Variants in NR5A2 observed in about 807,000 individuals in gnomAD.
NR5A2 encodes nuclear receptor subfamily 5 group A member 2.
NR5A2 carries 26 observed loss-of-function variants against 62.7 expected under a neutral mutation model. The observed-to-expected ratio is 0.41, with a 90% CI of 0.30 to 0.58. NR5A2 has a LOEUF of 0.58. NR5A2 is among the 20% of genes least tolerant of loss of function. The pLI is 0.22. For missense variants in NR5A2, 541 were observed against 669.1 expected, an observed-to-expected ratio of 0.81 and a Z score of 2.11; for synonymous variants, 246 against 241.7, an observed-to-expected ratio of 1.02 and a Z score of -0.16.
chr1:200,099,188 C>G (rs965061587), intron 5 of NR5A2, among the ~76,000 whole-genome samples: 4 of 152,180 alleles, frequency 2.6e-5, no homozygotes, highest in African/African-American at 9.7e-5. Context: ...CTGAACAGTC[C>G]TTAGGGACCT....
chr1:200,034,588 GAGGTTGCCCGGGGGGGTGGGTGGGGGGT>G lies in NR5A2; in HGVS notation c.65-5063_65-5036del, dbSNP rs915129426. On this transcript the variant is annotated intron_variant, in intron 1 of 7. Coordinates refer to ENST00000367362, the MANE Select transcript of NR5A2 (RefSeq NM_205860.3). The stretch of plus-strand genomic sequence containing the variant: ...CTCCTTTCCTCTGGGGCAAGGGTGG[GAGGTTGCCCGGGGGGGTGGGTGGGGGGT>G]AGGTTGGATTACCCAGATAATTGCT... Among the ~76,000 whole-genome samples, 403 of 130,422 alleles carry G rather than the reference GAGGTTGCCCGGGGGGGTGGGTGGGGGGT, an allele frequency of 3.1e-3. 8 individuals carry two copies. The highest frequency in any genetic ancestry group is 6.4e-4 in the Non-Finnish European group (40 of 62,778). 85.6% of individuals were successfully genotyped at this position (130,422 alleles called of 152,430 possible).
intron 5 of NR5A2, among the ~76,000 whole-genome samples, chr1:200,108,528 C>T (rs1665798604): frequency 6.6e-6 from 1 of 152,096 alleles, no homozygotes; most frequent in South Asian, 2.1e-4. Flanking sequence ...TTTAGGTGTC[C>T]ATAAATAGAC....
At chr1:200,089,815 T>C (rs1273519829) in intron 5 of NR5A2, among the ~76,000 whole-genome samples, 1 of 152,216 alleles carries the variant, frequency 6.6e-6, no homozygotes, top group African/African-American at 2.4e-5. Context: ...CTGCAGTTAT[T>C]ATCCTGGGTT....
intron 7 of NR5A2, among the ~76,000 whole-genome samples, chr1:200,159,985 C>T (rs1002647796): frequency 2.6e-5 from 4 of 152,172 alleles, no homozygotes; most frequent in African/African-American, 9.7e-5. Flanking sequence ...TTCTGCTGCT[C>T]TTTAGTTTCA....
chr1:200,072,918 G>A (rs1484629590), intron 5 of NR5A2, among the ~76,000 whole-genome samples: 3 of 152,102 alleles, frequency 2.0e-5, no homozygotes, highest in East Asian at 1.9e-4. Flanking sequence ...TTTTAGAAAG[G>A]ACATTTCCAT....
At position 200,048,916 on chromosome 1, in the gene NR5A2, T is replaced by A; in HGVS notation, c.1110+98T>A. 1 of 1,397,664 alleles carries A rather than the reference T, an allele frequency of 7.2e-7. No homozygotes were observed. Among genetic ancestry groups the A allele is most frequent in the South Asian group, 1.4e-5 (1 of 73,758 alleles). The allele number at this position is 1,397,664 out of a possible 1,614,324, so 86.6% of individuals were successfully genotyped here. A position where few individuals can be genotyped will look rare whatever the true frequency, so the allele number is the denominator to read the frequency against. Reference sequence around the variant, plus strand: ...TCTTGGTGCTGAAAATATGTGTTCCTTAATTTTCTACTTTGTATGATTTAC... The same window carrying A: ...TCTTGGTGCTGAAAATATGTGTTCCATAATTTTCTACTTTGTATGATTTAC... On this transcript the variant is annotated intron_variant, in intron 5 of 7. Coordinates refer to ENST00000367362, the MANE Select transcript of NR5A2 (RefSeq NM_205860.3). This position sits in a 1 kb window ranked among gnomAD's most constrained non-coding sequence, Gnocchi z 4.8.
intron 5 of NR5A2, among the ~76,000 whole-genome samples, chr1:200,101,197 C>T (rs1013304863): frequency 6.6e-6 from 1 of 152,142 alleles, no homozygotes; most frequent in African/African-American, 2.4e-5. Context: ...TTTTGCAGGG[C>T]TATGTCTTGT....
chr1:200,171,814 A>G (rs1654194387), intron 7 of NR5A2, among the ~76,000 whole-genome samples: 1 of 152,212 alleles, frequency 6.6e-6, no homozygotes, highest in Non-Finnish European at 1.5e-5. Context: ...ATCATTCTAT[A>G]ATAGTAAGTG....
chr1:200,073,235 C>CATACAT (rs1415530180), intron 5 of NR5A2, among the ~76,000 whole-genome samples: 2 of 105,954 alleles, frequency 1.9e-5, no homozygotes, highest in African/African-American at 7.5e-5. Context: ...CATTTACATA[C>CATACAT]ATATATATAT....
At chr1:200,104,810 G>A (rs1026942280) in intron 5 of NR5A2, among the ~76,000 whole-genome samples, 3 of 152,062 alleles carry the variant, frequency 2.0e-5, no homozygotes, top group Non-Finnish European at 4.4e-5. Context: ...TTACAGGCAC[G>A]TGCCACTATG....
Position 200,120,880 on chromosome 1 carries a change from G to A in NR5A2, c.1303G>A (p.Val435Met), listed in dbSNP as rs776585291. 1.7e-5 allele frequency: 28 copies of A among 1,612,050 alleles called. No individual in the cohort carries two copies. Among genetic ancestry groups the A allele is most frequent in the Non-Finnish European group, 2.0e-5 (24 of 1,179,166 alleles). Residue 435 changes from valine to methionine, a missense_variant, in exon 7 of 8, where the codon GTG (valine) becomes ATG (methionine). Val to Met is a conservative substitution (Grantham distance 21). This residue lies in a region of NR5A2 where 379 missense variants were observed against 442.0 expected (regional missense o/e 0.86). Transcript: ENST00000367362. ...NNLMSHAQEL[V>M]AKLRSLQFDQ... ...CCTCATGAGTCATGCACAGGAGTTAGTGGCAAAACTTCGTTCTCTCCAGTT... is the reference window on the plus strand; with the variant it reads ...CCTCATGAGTCATGCACAGGAGTTAATGGCAAAACTTCGTTCTCTCCAGTT...
Position 200,039,840 on chromosome 1 carries a change from C to T in NR5A2, c.202+45C>T, listed in dbSNP as rs1190871865. The T allele has an allele frequency of 1.3e-6, 2 of 1,566,638 alleles. No individual in the cohort carries two copies. The highest frequency in any genetic ancestry group is 2.2e-4 in the Middle Eastern group (1 of 4,608). The stretch of plus-strand genomic sequence containing the variant: ...CGCTCCGGCTCCCGCTGCTTCCCCA[C>T]CCCCGGGCTCGCCCTGCAGGCTTCA... On this transcript the variant is annotated intron_variant, in intron 2 of 7. Coordinates refer to ENST00000367362, the MANE Select transcript of NR5A2 (RefSeq NM_205860.3). The surrounding 1 kb of genome is among the most constrained non-coding windows in gnomAD (Gnocchi z 5.1).
chr1:200,044,099 T>G (rs534664105), intron 3 of NR5A2: 2 of 428,624 alleles, frequency 4.7e-6, no homozygotes, highest in East Asian at 3.6e-5. Context: ...TTTAGAAAAC[T>G]TTGCCAGTCT....
intron 5 of NR5A2, among the ~76,000 whole-genome samples, chr1:200,098,118 C>T (rs1665184650): frequency 6.6e-6 from 1 of 152,076 alleles, no homozygotes; most frequent in African/African-American, 2.4e-5. Flanking sequence ...GGAGTGGGTG[C>T]CCATACTCCA....
At chr1:200,148,162 C>T (rs1667806906) in intron 7 of NR5A2, 2 of 371,556 alleles carry the variant, frequency 5.4e-6, no homozygotes, top group South Asian at 1.7e-4. Context: ...AAGAGGAAGA[C>T]CAGATTGTAG....
intron 5 of NR5A2, among the ~76,000 whole-genome samples, chr1:200,094,284 A>G (rs1664964116): frequency 6.6e-6 from 1 of 151,402 alleles, no homozygotes; most frequent in Admixed American, 6.6e-5. Context: ...CAAGGGGTTT[A>G]AGTGAGTCTC....
At chr1:200,041,856 G>A (rs772005033) in intron 2 of NR5A2, among the ~76,000 whole-genome samples, 85 of 152,326 alleles carry the variant, frequency 5.6e-4, no homozygotes, top group Non-Finnish European at 1.0e-3. Flanking sequence ...GGTAGGCACG[G>A]AGTCCCTCTG....
At chr1:200,084,753 C>T (rs984771016) in intron 5 of NR5A2, among the ~76,000 whole-genome samples, 7 of 152,008 alleles carry the variant, frequency 4.6e-5, no homozygotes, top group East Asian at 1.9e-4. Context: ...TTCATTGATT[C>T]GATAATACAA....
intron 5 of NR5A2, among the ~76,000 whole-genome samples, chr1:200,081,207 C>T (rs1664277190): frequency 6.6e-6 from 1 of 152,186 alleles, no homozygotes; most frequent in African/African-American, 2.4e-5. Flanking sequence ...TAAAATACTC[C>T]CAACAGAAGG....
Sources: allele counts gnomAD v4.1 joint callset (sites outside exome capture counted in the v4.1 genomes callset), GRCh38; gene constraint gnomAD v4.1.1; regional missense constraint gnomAD v4.1.1; non-coding constraint Gnocchi (gnomAD v3.1); transcripts MANE v1.5; gene names NCBI Gene and HGNC (gene_info 2026-07-23, HGNC 2026-07-21).